L3MBTL4: variants seen among roughly 807,000 people sequenced by gnomAD.
L3MBTL4 encodes the protein lethal(3)malignant brain tumor-like protein 4.
L3MBTL4 carries 70 observed loss-of-function variants against 84.5 expected under a neutral mutation model. The ratio of observed to expected loss-of-function variants is 0.83; its 90% confidence interval spans 0.68 to 1.01. The LOEUF (loss-of-function observed/expected upper bound fraction) is 1.01, where lower values mean the gene tolerates loss of function less well. Ranked by LOEUF, L3MBTL4 falls within the 50% of genes least tolerant of loss-of-function variation. L3MBTL4 has a pLI of 0.00. For missense variants in L3MBTL4, 715 were observed against 754.8 expected (o/e 0.95, Z 0.62); for synonymous variants, 274 against 259.8 (o/e 1.05, Z -0.52).
chr18:6,179,308 C>T (rs143919585), intron 12 of L3MBTL4, among the ~76,000 whole-genome samples: 4 of 152,158 alleles, frequency 2.6e-5, no homozygotes, highest in Non-Finnish European at 4.4e-5. Flanking sequence ...CTGTATTGTG[C>T]CTGAACTCTT....
chr18:5,990,401 T>C (rs979663328), intron 16 of L3MBTL4, among the ~76,000 whole-genome samples: 1 of 152,190 alleles, frequency 6.6e-6, no homozygotes, highest in Non-Finnish European at 1.5e-5. Flanking sequence ...AGAAAATGTT[T>C]GGCATGTTAT....
chr18:6,206,039 G>A (rs2045860255), intron 12 of L3MBTL4, among the ~76,000 whole-genome samples: 1 of 152,198 alleles, frequency 6.6e-6, no homozygotes. Context: ...TGGGAAATGA[G>A]GAGGCTTCAT....
chr18:6,096,324 T>C (rs2058643844), intron 14 of L3MBTL4, among the ~76,000 whole-genome samples: 1 of 152,200 alleles, frequency 6.6e-6, no homozygotes, highest in Non-Finnish European at 1.5e-5. Context: ...TCCTAGTTCC[T>C]TTTTTGTCTC....
At chr18:6,030,204 G>A in intron 16 of L3MBTL4, 1 of 846,948 alleles carries the variant, frequency 1.2e-6, no homozygotes, top group East Asian at 1.2e-4. Context: ...AGTATACAGT[G>A]ATTATTCCAA....
rs202225584 is a variant in L3MBTL4, at chr18:6,243,399, C to A, written c.355G>T (p.Asp119Tyr). ...VCGYRLRLHF[D>Y]GYLSCYDFWT... ...AAATCATAGCAACTTAAATAACCAT[C>A]AAAATGAAGTCTTAGACGGTAACCA... Residue 119 changes from aspartate to tyrosine, a missense_variant, in exon 7 of 19, where the codon GAT (aspartate) becomes TAT (tyrosine). Transcript: ENST00000317931. The A allele has an allele frequency of 1.2e-6, 2 of 1,607,280 alleles. No individual in the cohort carries two copies. The highest frequency in any genetic ancestry group is 3.4e-5 in the Admixed American group (2 of 58,936).
chr18:6,378,951 G>A (rs2054486461), intron 1 of L3MBTL4, among the ~76,000 whole-genome samples: 1 of 150,228 alleles, frequency 6.7e-6, no homozygotes, highest in Non-Finnish European at 1.5e-5. Flanking sequence ...CTATCCATGA[G>A]CATAGAATGC....
chr18:6,028,037 TTGACTAGATCCCATTTGTC>T (rs2055592684), intron 16 of L3MBTL4, among the ~76,000 whole-genome samples: 1 of 152,252 alleles, frequency 6.6e-6, no homozygotes, highest in African/African-American at 2.4e-5. Context: ...GCTCTTTTGT[TTGACTAGATCCCATTTGTC>T]AATTTTGGCT....
chr18:6,028,828 A>G (rs1204237750), intron 16 of L3MBTL4, among the ~76,000 whole-genome samples: 2 of 152,166 alleles, frequency 1.3e-5, no homozygotes, highest in Non-Finnish European at 2.9e-5. Flanking sequence ...TATACTAATG[A>G]GACTTAACAG....
At chr18:6,399,685 A>T (rs2055431799) in intron 1 of L3MBTL4, 1 of 152,232 alleles carries the variant, frequency 6.6e-6, no homozygotes, top group Non-Finnish European at 1.5e-5. Flanking sequence ...TCATTATTTT[A>T]GGTAATATAG....
chr18:6,379,645 C>G (rs576321705), intron 1 of L3MBTL4, among the ~76,000 whole-genome samples: 4 of 152,124 alleles, frequency 2.6e-5, no homozygotes, highest in Admixed American at 6.5e-5. Context: ...GTTGAACCAG[C>G]CTTGCATCCC....
rs993416332 is a variant in L3MBTL4, at chr18:6,239,623, A to G, written c.707+95T>C. 8.2e-6 allele frequency: 10 copies of G among 1,226,120 alleles called. No individual in the cohort carries two copies. In the African/African-American group the frequency reaches 1.5e-4, roughly 18 times the overall value. 76.0% of individuals were successfully genotyped at this position (1,226,120 alleles called of 1,614,324 possible). On this transcript the variant is annotated intron_variant, in intron 9 of 18. Coordinates refer to ENST00000317931, the MANE Select transcript of L3MBTL4 (RefSeq NM_001330559.2). Reference sequence around the variant, plus strand: ...CAAATTCCTAATGCTCATCACTATTAGAAGAGCAAAAACAGCAACAGTGCT... The same window carrying G: ...CAAATTCCTAATGCTCATCACTATTGGAAGAGCAAAAACAGCAACAGTGCT...
chr18:6,238,161 A>G, intron 9 of L3MBTL4, 121 bp from the exon 10 acceptor site: 1 of 851,948 alleles, frequency 1.2e-6, no homozygotes, highest in South Asian at 1.5e-5. Flanking sequence ...ATAGCTGGAG[A>G]GAATTAGAAG....
At chr18:6,003,881 T>C (rs897722427) in intron 16 of L3MBTL4, among the ~76,000 whole-genome samples, 12 of 152,010 alleles carry the variant, frequency 7.9e-5, no homozygotes, top group African/African-American at 2.9e-4. Flanking sequence ...TAAACAATGA[T>C]AAGAGGCAGA....
intron 16 of L3MBTL4, among the ~76,000 whole-genome samples, chr18:6,007,906 G>A (rs959277726): frequency 3.3e-5 from 5 of 152,132 alleles, no homozygotes; most frequent in African/African-American, 9.7e-5. Flanking sequence ...AAAAAACGGT[G>A]AGGGTAAGAA....
At chr18:6,358,669 C>T (rs140727482) in intron 1 of L3MBTL4, among the ~76,000 whole-genome samples, 1 of 152,340 alleles carries the variant, frequency 6.6e-6, no homozygotes, top group East Asian at 1.9e-4. Context: ...TAGGATCTAA[C>T]CAGCACAAGT....
chr18:6,321,596 A>G (rs1405547671), intron 1 of L3MBTL4, among the ~76,000 whole-genome samples: 2 of 152,194 alleles, frequency 1.3e-5, no homozygotes, highest in Non-Finnish European at 2.9e-5. Flanking sequence ...AAAAAGACAT[A>G]TACATTGTTT....
intron 1 of L3MBTL4, among the ~76,000 whole-genome samples, chr18:6,330,448 T>C (rs343257): frequency 0.061 from 9,323 of 152,324 alleles, 359 homozygotes; most frequent in East Asian, 0.11. Flanking sequence ...TCCTCCATCT[T>C]CAAAGCCAGC....
chr18:6,157,655 A>G (rs1332047359), intron 13 of L3MBTL4, among the ~76,000 whole-genome samples: 1 of 152,172 alleles, frequency 6.6e-6, no homozygotes, highest in African/African-American at 2.4e-5. Flanking sequence ...ATGTGCTATT[A>G]TGCCTGTTTA....
chr18:6,308,149 G>A (rs551220244), intron 3 of L3MBTL4, among the ~76,000 whole-genome samples: 1 of 152,194 alleles, frequency 6.6e-6, no homozygotes, highest in Admixed American at 6.5e-5. Context: ...TTATCTTTGT[G>A]TTGGAAGTTG....
Sources: gnomAD v4.1 joint callset for allele counts (sites outside exome capture counted in the v4.1 genomes callset) on GRCh38, gnomAD v4.1.1 for gene constraint, MANE v1.5 for transcripts, NCBI Gene and HGNC (gene_info 2026-07-23, HGNC 2026-07-21) for gene names.